Variants in SAMD3 observed in about 807,000 individuals in gnomAD.
SAMD3 encodes the protein sterile alpha motif domain containing 3.
Under a neutral mutation model 58.5 loss-of-function variants are expected in SAMD3, and 63 were observed. The ratio of observed to expected loss-of-function variants is 1.08; its 90% CI spans 0.88 to 1.33. The LOEUF (loss-of-function observed/expected upper bound fraction) is 1.33. SAMD3 is among the 40% of genes most tolerant of loss of function. The pLI is 0.00. For missense variants in SAMD3, 604 were observed against 608.4 expected (o/e 0.99, Z 0.08); for synonymous variants, 220 against 210.3 (o/e 1.05, Z -0.40).
chr6:130,180,545 G>A (rs2114689084), intron 7 of SAMD3, among the ~76,000 whole-genome samples: 1 of 152,106 alleles, frequency 6.6e-6, no homozygotes, highest in Non-Finnish European at 1.5e-5. Flanking sequence ...AATAAATGTG[G>A]CAAAAAAATC....
intron 7 of SAMD3, chr6:130,183,630 T>C (rs1407511258): frequency 3.1e-6 from 1 of 324,620 alleles, no homozygotes; most frequent in Non-Finnish European, 6.0e-6. Flanking sequence ...TTTAGCAACT[T>C]TATATGCTTG....
chr6:130,276,170 G>A (rs1479888267), intron 2 of SAMD3, among the ~76,000 whole-genome samples: 2 of 152,048 alleles, frequency 1.3e-5, no homozygotes, highest in Admixed American at 6.6e-5. Context: ...AAAGTATGTG[G>A]CCTTTAGAAG....
intron 2 of SAMD3, among the ~76,000 whole-genome samples, chr6:130,231,572 A>AAGAGTCTTTTGCC (rs1796551656): frequency 6.6e-6 from 1 of 152,194 alleles, no homozygotes. Flanking sequence ...CTCAAAAAAA[A>AAGAGTCTTTTGCC]ATAAAAATAA....
intron 9 of SAMD3, among the ~76,000 whole-genome samples, chr6:130,150,766 C>T (rs1325854169): frequency 6.6e-6 from 1 of 151,488 alleles, no homozygotes; most frequent in Non-Finnish European, 1.5e-5. Context: ...GGCTGGAGTC[C>T]AGTGGCACAA....
chr6:130,214,315 G>A (rs1193618766), intron 4 of SAMD3, 22 bp downstream of exon 4: 2 of 1,516,950 alleles, frequency 1.3e-6, no homozygotes, highest in South Asian at 1.3e-5. Flanking sequence ...AAAAAAATAA[G>A]GCCATTTATG....
At chr6:130,186,856 C>T (rs139667890) in intron 5 of SAMD3, among the ~76,000 whole-genome samples, 2,574 of 149,340 alleles carry the variant, frequency 0.017, 28 homozygotes, top group East Asian at 0.055. Context: ...CTGCAACCTC[C>T]GCCTCCCGGG....
At chr6:130,280,556 C>T (rs894253269) in intron 2 of SAMD3, among the ~76,000 whole-genome samples, 1 of 152,192 alleles carries the variant, frequency 6.6e-6, no homozygotes, top group African/African-American at 2.4e-5. Flanking sequence ...CTTCTAGCTT[C>T]CCAATTGCCT....
At chr6:130,227,516 G>A (rs532481928), upstream of SAMD3, among the ~76,000 whole-genome samples, 4 of 152,226 alleles carry the variant, frequency 2.6e-5, no homozygotes, top group African/African-American at 4.8e-5. Flanking sequence ...TGCCAGGCAC[G>A]GTGGCTCATG....
intron 1 of SAMD3, among the ~76,000 whole-genome samples, chr6:130,353,105 A>T (rs1261378394): frequency 6.6e-6 from 1 of 152,074 alleles, no homozygotes; most frequent in Non-Finnish European, 1.5e-5. Context: ...AAAGGCCAGC[A>T]CTCTGTTCTG....
At chr6:130,196,021 C>T (rs949174883) in intron 5 of SAMD3, among the ~76,000 whole-genome samples, 21 of 152,328 alleles carry the variant, frequency 1.4e-4, no homozygotes, top group Middle Eastern at 3.4e-3. Context: ...CACAACCGAG[C>T]TCTCCCTGAC....
At chr6:130,150,050 T>C (rs1789005079) in intron 9 of SAMD3, among the ~76,000 whole-genome samples, 1 of 152,210 alleles carries the variant, frequency 6.6e-6, no homozygotes, top group African/African-American at 2.4e-5. Context: ...ATGGTGATGT[T>C]TTCATTTCAG....
chr6:130,173,570 C>G (rs749364135), intron 8 of SAMD3, among the ~76,000 whole-genome samples: 18 of 152,236 alleles, frequency 1.2e-4, no homozygotes, highest in Non-Finnish European at 2.4e-4. Flanking sequence ...CAGAGGGGCA[C>G]TGGCCAGATG....
At chr6:130,200,240 C>T (rs1267304735) in intron 5 of SAMD3, among the ~76,000 whole-genome samples, 2 of 152,078 alleles carry the variant, frequency 1.3e-5, no homozygotes, top group Non-Finnish European at 2.9e-5. Flanking sequence ...GAGCTATCAC[C>T]TCTCAGTCCC....
chr6:130,266,972 G>T (rs1333104622), intron 2 of SAMD3, among the ~76,000 whole-genome samples: 2 of 152,178 alleles, frequency 1.3e-5, no homozygotes, highest in Admixed American at 6.5e-5. Context: ...AGCTGTTTTA[G>T]AAATCATCAC....
rs567739957 is a variant in SAMD3 at position 130,349,821 on chromosome 6, A to G, written c.-304+15299T>C. Among the ~76,000 whole-genome samples the G allele has an allele frequency of 9.2e-5, 14 of 152,366 alleles. 1 individual carries two copies. In the South Asian group the frequency reaches 2.3e-3, roughly 25 times the overall value. Reference sequence around the variant, plus strand: ...GATGAACATCGATGCAAAAATCCTCAATAAAATACTGGCAAATCGAATCCA... The same window carrying G: ...GATGAACATCGATGCAAAAATCCTCGATAAAATACTGGCAAATCGAATCCA... On this transcript the variant is annotated intron_variant, in intron 1 of 13. Transcript: ENST00000368134.
At chr6:130,187,508 T>C (rs1332424969) in intron 5 of SAMD3, among the ~76,000 whole-genome samples, 2 of 152,186 alleles carry the variant, frequency 1.3e-5, no homozygotes, top group Admixed American at 1.3e-4. Context: ...TATTCTGGAA[T>C]TGACTAAAAA....
At chr6:130,204,794 A>G (rs1468898615) in intron 5 of SAMD3, among the ~76,000 whole-genome samples, 1 of 146,072 alleles carries the variant, frequency 6.8e-6, no homozygotes, top group East Asian at 2.0e-4. Context: ...TCAGCACACA[A>G]TCGGGATGGA....
intron 1 of SAMD3, among the ~76,000 whole-genome samples, chr6:130,352,477 C>T (rs527992298): frequency 1.4e-4 from 21 of 152,094 alleles, no homozygotes; most frequent in Admixed American, 3.9e-4. Context: ...ACCAACAATT[C>T]TCCTGTTTAT....
chr6:130,221,143 C>A (rs181064617), intron 1 of SAMD3, among the ~76,000 whole-genome samples: 1 of 152,136 alleles, frequency 6.6e-6, no homozygotes, highest in South Asian at 2.1e-4. Flanking sequence ...CATGAGCCAC[C>A]ACGCCCAGCC....
Sources: gnomAD v4.1 joint callset for allele counts (sites outside exome capture counted in the v4.1 genomes callset) on GRCh38, gnomAD v4.1.1 for gene constraint, MANE v1.5 for transcripts, NCBI Gene and HGNC (gene_info 2026-07-23, HGNC 2026-07-21) for gene names.